The following TPT1 variants were observed in gnomAD, a reference collection of about 807,000 sequenced individuals.
TPT1 encodes tumor protein, translationally-controlled 1, also known as translationally-controlled tumor protein.
In TPT1, 5 loss-of-function variants were observed where a neutral mutation model predicts 22.8. The observed-to-expected ratio is 0.22, with a 90% CI of 0.11 to 0.46. The LOEUF (loss-of-function observed/expected upper bound fraction) is 0.46, where lower values mean the gene tolerates loss of function less well. Among genes scored for constraint, TPT1 ranks in the 20% least tolerant of loss-of-function variants. TPT1 has a pLI of 0.99. For missense variants in TPT1, 130 were observed against 218.7 expected, an observed-to-expected ratio of 0.59 and a Z score of 2.56; for synonymous variants, 89 against 73.6, an observed-to-expected ratio of 1.21 and a Z score of -1.07.
At chr13:45,339,662 A>C (rs895573990) in intron 3 of TPT1, 60 bp from the exon 4 acceptor site, 75 of 1,474,068 alleles carry the variant, frequency 5.1e-5, no homozygotes, top group Middle Eastern at 1.8e-4. Flanking sequence ...TCAATTTTTA[A>C]AGTAAAAAAT....
At chr13:45,338,976 C>A in intron 4 of TPT1, 200 bp from the exon 5 acceptor site, 1 of 477,810 alleles carries the variant, frequency 2.1e-6, no homozygotes, top group East Asian at 3.4e-5. Flanking sequence ...AGAAAAATAA[C>A]GTACAGAGCA....
At position 45,341,116 on chromosome 13, in the gene TPT1, C is replaced by G; in HGVS notation, c.-47G>C. On this transcript the variant is annotated 5_prime_UTR_variant, in exon 1 of 6. Coordinates refer to ENST00000530705, the MANE Select transcript of TPT1 (RefSeq NM_003295.4). ...ACGACGGCGCTAGCTTAGCACGAGC[C>G]TGAAACTCGGAGCGAGCGCGGTGCA... 6.2e-7 allele frequency: 1 copy of G among 1,608,980 alleles called. No individual in the cohort carries two copies. The highest frequency in any genetic ancestry group is 8.5e-7 in the Non-Finnish European group (1 of 1,177,692).
chr13:45,339,954 A>G, intron 3 of TPT1, 40 bp downstream of exon 3: 1 of 1,600,978 alleles, frequency 6.2e-7, no homozygotes, highest in Non-Finnish European at 8.5e-7. Context: ...AAATCCTGTA[A>G]GATTCTAGAC....
In TPT1 at chr13:45,337,107, A is replaced by G. The variant is rs1878752231; in HGVS notation, c.*279T>C. 4.1e-6 allele frequency: 2 copies of G among 487,666 alleles called. No homozygotes were observed. Among genetic ancestry groups the G allele is most frequent in the Non-Finnish European group, 7.4e-6 (2 of 271,414 alleles). The allele number at this position is 487,666 out of a possible 1,614,324, so 30.2% of individuals were successfully genotyped here. A position where few individuals can be genotyped will look rare whatever the true frequency, so the allele number is the denominator to read the frequency against. On this transcript the variant is annotated 3_prime_UTR_variant, in exon 6 of 6. Coordinates refer to ENST00000530705, the MANE Select transcript of TPT1 (RefSeq NM_003295.4). ...GAGTAGTAGCCTACAATCAGGCTCTAGCTTCTCCAGGAACACTACAGGATC... is the reference window on the plus strand; with the variant it reads ...GAGTAGTAGCCTACAATCAGGCTCTGGCTTCTCCAGGAACACTACAGGATC...
chr13:45,339,105 T>C lies in TPT1; in HGVS notation c.400-329A>G, dbSNP rs1035439307. 8.9e-5 allele frequency: 27 copies of C among 304,736 alleles called. 1 individual carries two copies. In the East Asian group the frequency reaches 1.6e-3, roughly 18 times the overall value. 18.9% of individuals were successfully genotyped at this position (304,736 alleles called of 1,614,324 possible). On this transcript the variant is annotated intron_variant, in intron 4 of 5. Coordinates refer to ENST00000530705, the MANE Select transcript of TPT1 (RefSeq NM_003295.4). ...ACATAAGGCTGACAGTGATAGAATA[T>C]ATCATACAGTCTGGAAGTATCTTAT...
rs1206285338 is a variant in TPT1, at chr13:45,336,376, GTTC to G, written c.*1007_*1009del. 2.6e-5 allele frequency: 4 copies of G among 152,222 alleles called. No homozygotes were observed. Among genetic ancestry groups the G allele is most frequent in the South Asian group, 2.1e-4 (1 of 4,828 alleles). The allele number at this position is 152,222 out of a possible 1,614,324, so 9.4% of individuals were successfully genotyped here. ...AGACAGACGGAAAGCGCAAGGACAT[GTTC>G]TTCTTGCATCTGTGGTGGAAACCAT... is the stretch of plus-strand genomic sequence containing the variant. On this transcript the variant is annotated 3_prime_UTR_variant, in exon 6 of 6. Coordinates refer to ENST00000530705, the MANE Select transcript of TPT1 (RefSeq NM_003295.4).
In TPT1 at chr13:45,336,463, C is replaced by A. The variant is rs571864362; in HGVS notation, c.*923G>T. ...ATAGATGCATTTTCTTATTCAGACA[C>A]CCCATCTTTTCAGATACAATATAGA... On this transcript the variant is annotated 3_prime_UTR_variant, in exon 6 of 6. Transcript: ENST00000530705. 3 of 152,192 alleles carry A rather than the reference C, an allele frequency of 2.0e-5. No homozygotes were observed. Among genetic ancestry groups the A allele is most frequent in the Admixed American group, 1.3e-4 (2 of 15,280 alleles). 9.4% of individuals were successfully genotyped at this position (152,192 alleles called of 1,614,324 possible). A position where few individuals can be genotyped will look rare whatever the true frequency, so the allele number is the denominator to read the frequency against.
At chr13:45,340,265 GA>G in intron 2 of TPT1, 81 bp from the exon 3 acceptor site, 1 of 1,488,268 alleles carries the variant, frequency 6.7e-7, no homozygotes, top group Non-Finnish European at 9.2e-7. Flanking sequence ...TCACGGATAA[GA>G]AGTATTCTTA....
At position 45,335,805 on chromosome 13, in the gene TPT1, G is replaced by A. The variant is rs545531179; in HGVS notation, c.*1581C>T. 1 of 152,166 alleles carries A rather than the reference G, an allele frequency of 6.6e-6. No individual in the cohort carries two copies. The highest frequency in any genetic ancestry group is 1.5e-5 in the Non-Finnish European group (1 of 68,082). The allele number at this position is 152,166 out of a possible 1,614,324, so 9.4% of individuals were successfully genotyped here. ...CTATTAAGTTCCCAATACGTATTTA[G>A]GTTTGTTTCCAATCACGGGGTGCTG... On this transcript the variant is annotated 3_prime_UTR_variant, in exon 6 of 6. Transcript: ENST00000530705.
chr13:45,334,137 C>G lies in TPT1; in HGVS notation c.*3249G>C, dbSNP rs1396884390. ...ATGTTGCCCAGGCTGGTCTCAAACT[C>G]CTGACCTCAAGCGATCCTCCCCACT... On this transcript the variant is annotated 3_prime_UTR_variant, in exon 6 of 6. Transcript: ENST00000530705. 5.9e-5 allele frequency: 9 copies of G among 151,978 alleles called. No homozygotes were observed. Among genetic ancestry groups the G allele is most frequent in the African/African-American group, 2.2e-4 (9 of 41,294 alleles). The allele number at this position is 151,978 out of a possible 1,614,324, so 9.4% of individuals were successfully genotyped here.
intron 4 of TPT1, 58 bp downstream of exon 4, chr13:45,339,439 T>A: frequency 6.7e-7 from 1 of 1,483,104 alleles, no homozygotes; most frequent in South Asian, 1.2e-5. Flanking sequence ...TCAACTTAAT[T>A]TTTGCTCTTG....
rs573308394 is a variant in TPT1 at position 45,335,629 on chromosome 13, C to T, written c.*1757G>A. ...TTTTCATTACAATGTCAAATCAGAA[C>T]GCTAAGCCAGGTGCAATGCCTCACA... On this transcript the variant is annotated 3_prime_UTR_variant, in exon 6 of 6. Coordinates refer to ENST00000530705, the MANE Select transcript of TPT1 (RefSeq NM_003295.4). 7 of 152,290 alleles carry T rather than the reference C, an allele frequency of 4.6e-5. No individual in the cohort carries two copies. The highest frequency in any genetic ancestry group is 2.1e-4 in the South Asian group (1 of 4,816). 9.4% of individuals were successfully genotyped at this position (152,290 alleles called of 1,614,324 possible).
rs370176126 is a variant in TPT1, at chr13:45,341,079, T to C, written c.-10A>G. ...CCCGGTAGATAATCATGATGGCGAC[T>C]GAAGGGAGACGACGACGGCGCTAGC... On this transcript the variant is annotated 5_prime_UTR_variant, in exon 1 of 6. Transcript: ENST00000530705. The C allele has an allele frequency of 1.9e-6, 3 of 1,612,952 alleles. No homozygotes were observed. The highest frequency in any genetic ancestry group is 2.5e-6 in the Non-Finnish European group (3 of 1,179,490).
In TPT1 at chr13:45,337,249, A is replaced by G; in HGVS notation, c.*137T>C. 1.1e-6 allele frequency: 1 copy of G among 873,218 alleles called. No individual in the cohort carries two copies. The highest frequency in any genetic ancestry group is 1.6e-5 in the South Asian group (1 of 63,872). The allele number at this position is 873,218 out of a possible 1,614,324, so 54.1% of individuals were successfully genotyped here. On this transcript the variant is annotated 3_prime_UTR_variant, in exon 6 of 6. Coordinates refer to ENST00000530705, the MANE Select transcript of TPT1 (RefSeq NM_003295.4). ...TCTTAAAAACAATGCCTCCACTCCA[A>G]ATAAATCACAGTCAAAATAAATGAA... is the stretch of plus-strand genomic sequence containing the variant.
chr13:45,339,240 T>C (rs998192071), intron 4 of TPT1: 1 of 413,140 alleles, frequency 2.4e-6, no homozygotes, highest in Non-Finnish European at 4.3e-6. Context: ...CCAGTAGCAA[T>C]GAGACACATT....
At position 45,334,363 on chromosome 13, in the gene TPT1, C is replaced by G. The variant is rs1322853326; in HGVS notation, c.*3023G>C. ...AATCTCATGTTGGAATGCAGTCTAT[C>G]CTCTCTCCAAATGACCTTATCCTGT... On this transcript the variant is annotated 3_prime_UTR_variant, in exon 6 of 6. Coordinates refer to ENST00000530705, the MANE Select transcript of TPT1 (RefSeq NM_003295.4). 1.3e-5 allele frequency: 2 copies of G among 152,176 alleles called. No homozygotes were observed. Among genetic ancestry groups the G allele is most frequent in the Non-Finnish European group, 1.5e-5 (1 of 68,040 alleles). 9.4% of individuals were successfully genotyped at this position (152,176 alleles called of 1,614,324 possible).
At chr13:45,339,811 C>T (rs535860505) in intron 3 of TPT1, 183 bp downstream of exon 3, 1 of 761,476 alleles carries the variant, frequency 1.3e-6, no homozygotes, top group African/African-American at 1.8e-5. Context: ...TAAACGGAAA[C>T]AGACTGCAGG....
intron 2 of TPT1, 59 bp downstream of exon 2, chr13:45,340,653 G>A (rs545353581): frequency 2.0e-6 from 3 of 1,530,712 alleles, no homozygotes; most frequent in South Asian, 1.2e-5. Flanking sequence ...GCGGGGGAGC[G>A]GAGGAAACCC....
At chr13:45,339,806 G>T in intron 3 of TPT1, 188 bp downstream of exon 3, 1 of 751,384 alleles carries the variant, frequency 1.3e-6, no homozygotes, top group Non-Finnish European at 2.1e-6. Context: ...AATTCTAAAC[G>T]GAAACAGACT....
Sources: allele counts gnomAD v4.1 joint callset, GRCh38; gene constraint gnomAD v4.1.1; transcripts MANE v1.5; gene names NCBI Gene and HGNC (gene_info 2026-07-23, HGNC 2026-07-21).